The following GRHL2 variants were observed in gnomAD, a reference collection of about 807,000 sequenced individuals.
The protein encoded by GRHL2 is grainyhead-like protein 2 homolog.
In GRHL2, 21 loss-of-function variants were observed where a neutral mutation model predicts 83.8. The observed-to-expected ratio is 0.25, with a 90% CI of 0.18 to 0.36. The LOEUF (loss-of-function observed/expected upper bound fraction) is 0.36, where lower values mean the gene tolerates loss of function less well. Among genes scored for constraint, GRHL2 ranks in the 10% least tolerant of loss-of-function variants. GRHL2 has a pLI of 1.00. For synonymous variants in GRHL2, 280 were observed against 278.9 expected (o/e 1.00, Z -0.04); for missense variants, 623 against 781.8 (o/e 0.80, Z 2.42).
At chr8:101,665,444 T>G (rs1438066559) in intron 15 of GRHL2, among the ~76,000 whole-genome samples, 4 of 152,236 alleles carry the variant, frequency 2.6e-5, no homozygotes, top group Non-Finnish European at 4.4e-5. Flanking sequence ...TGATGAGTCC[T>G]GTTGGTTGAT....
intron 12 of GRHL2, among the ~76,000 whole-genome samples, chr8:101,643,443 C>A (rs1004446077): frequency 6.7e-6 from 1 of 148,900 alleles, no homozygotes; most frequent in Non-Finnish European, 1.5e-5. Flanking sequence ...AGGACAGTGA[C>A]TGTGGGAGGA....
intron 1 of GRHL2, among the ~76,000 whole-genome samples, chr8:101,535,749 A>G (rs1811033907): frequency 6.6e-6 from 1 of 152,152 alleles, no homozygotes; most frequent in African/African-American, 2.4e-5. Flanking sequence ...CAAGTTGGCC[A>G]GGCTGGTCTC....
At chr8:101,635,411 T>C (rs991661495) in intron 11 of GRHL2, among the ~76,000 whole-genome samples, 5 of 152,106 alleles carry the variant, frequency 3.3e-5, no homozygotes, top group African/African-American at 4.8e-5. Context: ...TAGAGGCCAT[T>C]CAGGAGGGTG....
At chr8:101,584,611 T>A (rs1004945336) in intron 7 of GRHL2, among the ~76,000 whole-genome samples, 2 of 152,220 alleles carry the variant, frequency 1.3e-5, no homozygotes, top group Non-Finnish European at 2.9e-5. Context: ...GAGTTTTTTT[T>A]ATTTGAGTTT....
chr8:101,492,950 C>A lies in GRHL2; in HGVS notation c.20+161C>A, dbSNP rs1809996273. 4 of 716,368 alleles carry A rather than the reference C, an allele frequency of 5.6e-6. No individual in the cohort carries two copies. The South Asian group carries it at 6.3e-5, about 11-fold the overall frequency. 44.4% of individuals were successfully genotyped at this position (716,368 alleles called of 1,614,324 possible). On this transcript the variant is annotated intron_variant, in intron 1 of 15. Transcript: ENST00000646743. ...CAGACTTTTCCGCATTATGTTTCTACCCTGATTAAGGGGAGAAACCCTACA... is the reference window on the plus strand; with the variant it reads ...CAGACTTTTCCGCATTATGTTTCTAACCTGATTAAGGGGAGAAACCCTACA...
chr8:101,596,836 TGGTG>T, intron 7 of GRHL2, among the ~76,000 whole-genome samples: 1 of 152,220 alleles, frequency 6.6e-6, no homozygotes, highest in East Asian at 1.9e-4. Flanking sequence ...GACTTTCCTG[TGGTG>T]GCCACACACG....
In GRHL2 at chr8:101,634,604, G is replaced by T. The variant is rs778895234; in HGVS notation, c.1485+2239G>T. On this transcript the variant is annotated intron_variant, in intron 11 of 15. Coordinates refer to ENST00000646743, the MANE Select transcript of GRHL2 (RefSeq NM_024915.4). ...ATTGGTGTCCATCTCAGAAACCGCCGCAGTCCTGAGACTTGCTAAAATTAG... is the reference window on the plus strand; with the variant it reads ...ATTGGTGTCCATCTCAGAAACCGCCTCAGTCCTGAGACTTGCTAAAATTAG... 3.3e-5 allele frequency among the ~76,000 whole-genome samples: 5 copies of T among 152,176 alleles called. No homozygotes were observed. The South Asian group carries it at 8.3e-4, about 25-fold the overall frequency.
At chr8:101,563,033 T>C (rs897980523) in intron 4 of GRHL2, among the ~76,000 whole-genome samples, 1 of 152,228 alleles carries the variant, frequency 6.6e-6, no homozygotes, top group Non-Finnish European at 1.5e-5. Context: ...ATTTGATGGG[T>C]ACTCACTATG....
chr8:101,494,058 G>A (rs557864998), intron 1 of GRHL2, among the ~76,000 whole-genome samples: 1 of 152,316 alleles, frequency 6.6e-6, no homozygotes, highest in South Asian at 2.1e-4. Flanking sequence ...AAGTGCGCGG[G>A]GCCGCCCTTT....
intron 1 of GRHL2, among the ~76,000 whole-genome samples, chr8:101,517,093 C>T (rs1433161097): frequency 2.0e-5 from 3 of 152,048 alleles, no homozygotes; most frequent in Non-Finnish European, 2.9e-5. Flanking sequence ...GATTGAGGAC[C>T]GTCGCTTTGG....
At chr8:101,680,303 C>G in the GRHL2 span, among the ~76,000 whole-genome samples, 1 of 134,620 alleles carries the variant, frequency 7.4e-6, no homozygotes, top group Non-Finnish European at 1.6e-5. Flanking sequence ...AGACTTTAAA[C>G]CAACAAACAT....
At chr8:101,623,880 GACAGTTC>G (rs1305218675) in intron 9 of GRHL2, among the ~76,000 whole-genome samples, 6 of 102,080 alleles carry the variant, frequency 5.9e-5, no homozygotes, top group African/African-American at 1.9e-4. Context: ...TACACAGTAG[GACAGTTC>G]ACAGTACACA....
intron 3 of GRHL2, among the ~76,000 whole-genome samples, chr8:101,556,394 C>A (rs1811489480): frequency 6.6e-6 from 1 of 152,166 alleles, no homozygotes; most frequent in Non-Finnish European, 1.5e-5. Context: ...ATTTTCTCTC[C>A]ACATTACTCA....
intron 9 of GRHL2, among the ~76,000 whole-genome samples, chr8:101,623,094 T>C (rs1386994816): frequency 6.6e-6 from 1 of 152,236 alleles, no homozygotes; most frequent in African/African-American, 2.4e-5. Context: ...AGAGTTCTGG[T>C]TTAGCAGTGG....
intron 15 of GRHL2, among the ~76,000 whole-genome samples, chr8:101,665,355 G>T (rs1320945624): frequency 6.6e-6 from 1 of 152,160 alleles, no homozygotes; most frequent in Non-Finnish European, 1.5e-5. Context: ...TCCTACAAAA[G>T]GCAGAAGATG....
At chr8:101,493,912 G>T (rs979122207) in intron 1 of GRHL2, among the ~76,000 whole-genome samples, 32 of 152,086 alleles carry the variant, frequency 2.1e-4, no homozygotes, top group Admixed American at 7.2e-4. Flanking sequence ...GTGCGAGCCG[G>T]GGGAGGTGGG....
intron 13 of GRHL2, among the ~76,000 whole-genome samples, chr8:101,646,836 A>G (rs775997726): frequency 5.9e-5 from 9 of 152,220 alleles, no homozygotes; most frequent in Non-Finnish European, 1.2e-4. Context: ...GACACAGAGT[A>G]ATGAAAGCTG....
At chr8:101,512,765 T>A (rs1810491324) in intron 1 of GRHL2, among the ~76,000 whole-genome samples, 1 of 152,260 alleles carries the variant, frequency 6.6e-6, no homozygotes, top group South Asian at 2.1e-4. Flanking sequence ...TATTTCACTG[T>A]TGAGCATAAT....
At chr8:101,571,441 G>T (rs1300639893) in intron 5 of GRHL2, among the ~76,000 whole-genome samples, 4 of 148,390 alleles carry the variant, frequency 2.7e-5, no homozygotes, top group African/African-American at 7.5e-5. Flanking sequence ...GATCACTTGA[G>T]CTCAGAAGTT....
Sources: gnomAD v4.1 joint callset for allele counts (sites outside exome capture counted in the v4.1 genomes callset) on GRCh38, gnomAD v4.1.1 for gene constraint, MANE v1.5 for transcripts, NCBI Gene and HGNC (gene_info 2026-07-23, HGNC 2026-07-21) for gene names.